RASGRF1: variants seen among roughly 807,000 people sequenced by gnomAD.
The protein encoded by RASGRF1 is ras-specific guanine nucleotide-releasing factor 1.
In RASGRF1, 40 loss-of-function variants were observed where a neutral mutation model predicts 138.7. That is an observed-to-expected ratio of 0.29 (90% CI 0.22 to 0.38). RASGRF1 has a LOEUF of 0.38. Among genes scored for constraint, RASGRF1 ranks in the 10% least tolerant of loss-of-function variants. The pLI is 1.00. For synonymous variants in RASGRF1, 614 were observed against 663.2 expected (o/e 0.93, Z 1.14); for missense variants, 1,108 against 1,650.4 (o/e 0.67, Z 5.69).
intron 3 of RASGRF1, among the ~76,000 whole-genome samples, chr15:79,053,941 T>C (rs1308048932): frequency 2.0e-5 from 3 of 152,256 alleles, no homozygotes; most frequent in Non-Finnish European, 4.4e-5. Context: ...AATGATATGA[T>C]GGTACATTAT....
chr15:79,060,929 G>A (rs747613998), intron 2 of RASGRF1, among the ~76,000 whole-genome samples: 18 of 152,020 alleles, frequency 1.2e-4, no homozygotes, highest in Non-Finnish European at 2.4e-4. Context: ...ATGTGGCTCA[G>A]TTGACCTTAA....
chr15:79,057,775 G>A (rs1261648079), intron 3 of RASGRF1, among the ~76,000 whole-genome samples: 1 of 152,218 alleles, frequency 6.6e-6, no homozygotes, highest in Non-Finnish European at 1.5e-5. Context: ...CCACACTTGG[G>A]GAAGCCAGGT....
chr15:78,984,568 T>C (rs146797088), intron 23 of RASGRF1: 1 of 231,170 alleles, frequency 4.3e-6, no homozygotes, highest in East Asian at 9.9e-5. Context: ...GCAGGTGAAA[T>C]TAGAATCCTG....
At chr15:78,980,417 A>C in intron 24 of RASGRF1, 1 of 440,682 alleles carries the variant, frequency 2.3e-6, no homozygotes, top group Non-Finnish European at 4.1e-6. Flanking sequence ...TCTCTCAGGA[A>C]ATGCTAGCAA....
rs1404731925 is a variant in RASGRF1 at position 79,072,228 on chromosome 15, G to A, written c.277-7702C>T. On this transcript the variant is annotated intron_variant, in intron 1 of 26. Coordinates refer to ENST00000558480, the MANE Select transcript of RASGRF1 (RefSeq NM_001145648.3). ...AGGACCTCACGAGGGTGGTGGTCTGGAGCAGTTAGGGGGTTTCTGGGAGTT... is the reference window on the plus strand; with the variant it reads ...AGGACCTCACGAGGGTGGTGGTCTGAAGCAGTTAGGGGGTTTCTGGGAGTT... Among the ~76,000 whole-genome samples, 5 of 140,998 alleles carry A rather than the reference G, an allele frequency of 3.5e-5. No homozygotes were observed. The Admixed American group carries it at 3.7e-4, about 10-fold the overall frequency. The allele number at this position is 140,998 out of a possible 152,430, so 92.5% of individuals were successfully genotyped here. A position where few individuals can be genotyped will look rare whatever the true frequency, so the allele number is the denominator to read the frequency against.
intron 13 of RASGRF1, 58 bp downstream of exon 13, chr15:79,015,269 C>T: frequency 6.6e-7 from 1 of 1,525,822 alleles, no homozygotes; most frequent in Non-Finnish European, 9.1e-7. Flanking sequence ...TGGCTGTCAC[C>T]TTGTGGTACT....
At position 79,027,742 on chromosome 15, in the gene RASGRF1, T is replaced by G; in HGVS notation, c.1380A>C (p.Gln460His). 6.2e-7 allele frequency: 1 copy of G among 1,614,000 alleles called. No individual in the cohort carries two copies. The highest frequency in any genetic ancestry group is 8.5e-7 in the Non-Finnish European group (1 of 1,179,874). The change falls in exon 9 of 27, where the codon CAA becomes CAC. Residue 460 changes from glutamine (Q) to histidine (H), a missense_variant and splice_region_variant. Coordinates refer to ENST00000558480, the MANE Select transcript of RASGRF1 (RefSeq NM_001145648.3). This position sits in a 1 kb window ranked among gnomAD's most constrained non-coding sequence, Gnocchi z 4.8. ...GGAGACAGGGTGCAGAGGCCATACC[T>G]TGTCTCACAAAGGTCTGGCTGGTGT... ...LLDTSQTFVR[Q>H]GSLIQVPMSE...
At chr15:79,015,292 T>G in intron 13 of RASGRF1, 35 bp downstream of exon 13, 1 of 1,574,018 alleles carries the variant, frequency 6.4e-7, no homozygotes, top group South Asian at 1.1e-5. Context: ...GTCTCTGGAA[T>G]GCTGCCTGGT....
intron 1 of RASGRF1, among the ~76,000 whole-genome samples, chr15:79,078,132 G>GGTGTGTGTGTGTGTGT (rs143462965): frequency 6.7e-6 from 1 of 148,174 alleles, no homozygotes; most frequent in South Asian, 2.2e-4. Context: ...CAGAGAACCT[G>GGTGTGTGTGTGTGTGT]GTGTGTGTGT....
intron 15 of RASGRF1, 32 bp from the exon 16 acceptor site, chr15:79,001,819 T>C: frequency 7.5e-7 from 1 of 1,328,906 alleles, no homozygotes; most frequent in Non-Finnish European, 9.9e-7. Flanking sequence ...ATTTTACTTT[T>C]CTTAATTTTA....
At chr15:78,996,413 C>T (rs996232433) in intron 19 of RASGRF1, among the ~76,000 whole-genome samples, 1 of 152,112 alleles carries the variant, frequency 6.6e-6, no homozygotes, top group Admixed American at 6.5e-5. Context: ...GCCTGGGCTG[C>T]GTGGGGACAG....
intron 10 of RASGRF1, among the ~76,000 whole-genome samples, chr15:79,021,966 CACTT>C (rs1389424719): frequency 6.6e-6 from 1 of 151,746 alleles, no homozygotes; most frequent in African/African-American, 2.4e-5. Flanking sequence ...AGAACTCCCT[CACTT>C]ACTCCTCACA....
rs577728381 is a variant in RASGRF1, at chr15:79,089,642, C to CCGCT, written c.276+577_276+580dup. Among the ~76,000 whole-genome samples, 467 of 152,370 alleles carry CCGCT rather than the reference C, an allele frequency of 3.1e-3. 1 individual carries two copies. Among genetic ancestry groups the CCGCT allele is most frequent in the African/African-American group, 9.9e-3 (411 of 41,586 alleles). ...GCGGCCGCCAGCTGGGAGCCCACCA[C>CCGCT]CGCTCGATGGTACCGAACCGACCCG... On this transcript the variant is annotated intron_variant, in intron 1 of 26. Coordinates refer to ENST00000558480, the MANE Select transcript of RASGRF1 (RefSeq NM_001145648.3).
chr15:79,016,571 C>A (rs1329612305), intron 12 of RASGRF1, among the ~76,000 whole-genome samples: 3 of 152,234 alleles, frequency 2.0e-5, no homozygotes, highest in Non-Finnish European at 4.4e-5. Context: ...TCTGGGCAAG[C>A]AGCCCCAGGC....
Position 79,074,276 on chromosome 15 carries a change from A to C in RASGRF1, c.277-9750T>G, listed in dbSNP as rs563555158. 4.3e-4 allele frequency among the ~76,000 whole-genome samples: 66 copies of C among 152,250 alleles called. 1 individual carries two copies. The highest frequency in any genetic ancestry group is 7.3e-4 in the Non-Finnish European group (50 of 68,044). ...TGCTTCAAGGGGAACTGATAAGCCCATGGCTCCTTCTAAGGGCAAGTGGCC... is the reference window on the plus strand; with the variant it reads ...TGCTTCAAGGGGAACTGATAAGCCCCTGGCTCCTTCTAAGGGCAAGTGGCC... On this transcript the variant is annotated intron_variant, in intron 1 of 26. Transcript: ENST00000558480.
Position 79,082,771 on chromosome 15 carries a change from C to T in RASGRF1, c.276+7452G>A, listed in dbSNP as rs187480729. Reference sequence around the variant, plus strand: ...TCATCTGTCCTTTGGTAAGGGCTTGCTTGCTTGGACCTTTTCAGGAACTCA... The same window carrying T: ...TCATCTGTCCTTTGGTAAGGGCTTGTTTGCTTGGACCTTTTCAGGAACTCA... On this transcript the variant is annotated intron_variant, in intron 1 of 26. Coordinates refer to ENST00000558480, the MANE Select transcript of RASGRF1 (RefSeq NM_001145648.3). Among the ~76,000 whole-genome samples the T allele has an allele frequency of 2.3e-4, 35 of 152,298 alleles. 1 individual carries two copies. The East Asian group carries it at 6.4e-3, about 28-fold the overall frequency.
At position 79,083,876 on chromosome 15, in the gene RASGRF1, C is replaced by T. The variant is rs993895352; in HGVS notation, c.276+6347G>A. Among the ~76,000 whole-genome samples, 3 of 152,124 alleles carry T rather than the reference C, an allele frequency of 2.0e-5. No individual in the cohort carries two copies. In the East Asian group the frequency reaches 5.8e-4, roughly 29 times the overall value. On this transcript the variant is annotated intron_variant, in intron 1 of 26. Coordinates refer to ENST00000558480, the MANE Select transcript of RASGRF1 (RefSeq NM_001145648.3). Reference sequence around the variant, plus strand: ...TGTAGGTAAAACATGTACTCTGGTGCCTGGCACACAGCAGGTGCTCAATAA... The same window carrying T: ...TGTAGGTAAAACATGTACTCTGGTGTCTGGCACACAGCAGGTGCTCAATAA...
At chr15:79,033,661 C>T (rs1383834655) in intron 6 of RASGRF1, among the ~76,000 whole-genome samples, 1 of 126,428 alleles carries the variant, frequency 7.9e-6, no homozygotes, top group African/African-American at 3.0e-5. Context: ...GAGATCTCGG[C>T]TCACTGCGAC....
In RASGRF1 at chr15:79,057,598, G is replaced by A. The variant is rs116974673; in HGVS notation, c.531+736C>T. Among the ~76,000 whole-genome samples, 1,418 of 152,318 alleles carry A rather than the reference G, an allele frequency of 9.3e-3. 12 individuals are homozygous for A. Among genetic ancestry groups the A allele is most frequent in the Non-Finnish European group, 0.015 (1,053 of 68,018 alleles). On this transcript the variant is annotated intron_variant, in intron 3 of 26. Transcript: ENST00000558480. ...GAGATGATCAGATCATTCTGTGCCA[G>A]GGTTGATAGCTGGTGAGGGGCATCT...
Sources: allele counts gnomAD v4.1 joint callset (sites outside exome capture counted in the v4.1 genomes callset), GRCh38; gene constraint gnomAD v4.1.1; non-coding constraint Gnocchi (gnomAD v3.1); transcripts MANE v1.5; gene names NCBI Gene and HGNC (gene_info 2026-07-23, HGNC 2026-07-21).